Variants in VAV3 observed in about 807,000 individuals in gnomAD.
VAV3 encodes the protein vav guanine nucleotide exchange factor 3, also known as guanine nucleotide exchange factor VAV3.
Under a neutral mutation model 131.2 loss-of-function variants are expected in VAV3, and 94 were observed. The ratio of observed to expected loss-of-function variants is 0.72; its 90% CI spans 0.61 to 0.85. The LOEUF (loss-of-function observed/expected upper bound fraction) is 0.85, where lower values mean the gene tolerates loss of function less well. Among genes scored for constraint, VAV3 ranks in the 40% least tolerant of loss-of-function variants. VAV3 has a pLI of 0.00. For missense variants in VAV3, 939 were observed against 1,002.7 expected, an observed-to-expected ratio of 0.94 and a Z score of 0.86; for synonymous variants, 349 against 342.0, an observed-to-expected ratio of 1.02 and a Z score of -0.22.
At position 107,704,996 on chromosome 1, in the gene VAV3, C is replaced by A. The variant is rs372568687; in HGVS notation, c.1568G>T (p.Arg523Leu). Residue 523 changes from arginine (R) to leucine (L), a missense_variant, in exon 16 of 27, where the codon CGA (arginine) becomes CTA (leucine). By Grantham distance (102) the Arg-to-Leu change is moderately radical (BLOSUM62 -2). Coordinates refer to ENST00000370056, the MANE Select transcript of VAV3 (RefSeq NM_006113.5). ...FHDFKMHTFT[R>L]VTSCKVCQML... ...CTGGCAGACTTTGCAGGATGTGACT[C>A]GAGTGAAGGTATGCATCTTGAAGTC... The A allele has an allele frequency of 1.2e-6, 2 of 1,613,782 alleles. No homozygotes were observed. The highest frequency in any genetic ancestry group is 1.1e-5 in the South Asian group (1 of 91,038).
chr1:107,681,736 T>C (rs972303147), intron 19 of VAV3, among the ~76,000 whole-genome samples: 4 of 151,468 alleles, frequency 2.6e-5, no homozygotes, highest in African/African-American at 7.3e-5. Context: ...TCACTGCAAG[T>C]TCTGCCTCCC....
chr1:107,629,254 T>C (rs1034516130), intron 20 of VAV3, among the ~76,000 whole-genome samples: 14 of 152,236 alleles, frequency 9.2e-5, no homozygotes, highest in Non-Finnish European at 1.8e-4. Flanking sequence ...ATAGAAACCA[T>C]AGATGACATG....
chr1:107,697,327 C>T (rs1365006405), intron 17 of VAV3, among the ~76,000 whole-genome samples: 3 of 152,228 alleles, frequency 2.0e-5, no homozygotes, highest in East Asian at 1.9e-4. Context: ...TATGAGCATT[C>T]GGTGTTACCG....
chr1:107,880,261 G>C (rs1387268842), intron 1 of VAV3, among the ~76,000 whole-genome samples: 1 of 152,148 alleles, frequency 6.6e-6, no homozygotes, highest in Non-Finnish European at 1.5e-5. Flanking sequence ...GAGAAGGAGT[G>C]GTTGGTGTTT....
chr1:107,733,770 G>A (rs1318621349), intron 15 of VAV3, among the ~76,000 whole-genome samples: 1 of 152,208 alleles, frequency 6.6e-6, no homozygotes, highest in East Asian at 1.9e-4. Context: ...TTTGATTGGT[G>A]TACCTGAAAG....
chr1:107,800,295 A>T (rs1666766242), intron 2 of VAV3, among the ~76,000 whole-genome samples: 1 of 152,074 alleles, frequency 6.6e-6, no homozygotes, highest in South Asian at 2.1e-4. Context: ...TAGTTTTACC[A>T]TTTACATTCC....
chr1:107,622,923 A>G lies in VAV3; in HGVS notation c.1915-5291T>C, dbSNP rs1570631144. ...TGGAAGGAAGGAAGGATGGATGGAA[A>G]GATGAACACACTGTTTTTGGCATTA... On this transcript the variant is annotated intron_variant, in intron 20 of 26. Transcript: ENST00000370056. Among the ~76,000 whole-genome samples, 3 of 152,224 alleles carry G rather than the reference A, an allele frequency of 2.0e-5. No individual in the cohort carries two copies. In the East Asian group the frequency reaches 5.8e-4, roughly 29 times the overall value.
At chr1:107,669,612 G>A (rs185324972) in intron 19 of VAV3, 14 of 1,061,650 alleles carry the variant, frequency 1.3e-5, no homozygotes, top group Non-Finnish European at 1.7e-5. Flanking sequence ...TGCACAACAG[G>A]TTTTTTTGTT....
At chr1:107,933,553 G>C (rs1053271404) in intron 1 of VAV3, among the ~76,000 whole-genome samples, 3 of 151,940 alleles carry the variant, frequency 2.0e-5, no homozygotes, top group Non-Finnish European at 2.9e-5. Context: ...TATGAAAATT[G>C]AATCTCCCCA....
chr1:107,593,107 G>C (rs960809187), intron 25 of VAV3, among the ~76,000 whole-genome samples: 4 of 152,050 alleles, frequency 2.6e-5, no homozygotes, highest in East Asian at 3.9e-4. Context: ...CTCTGGGAGA[G>C]AGGCTGAGAG....
At chr1:107,952,468 T>TTTATATATATATATACATATATATATA (rs1553235441) in intron 1 of VAV3, among the ~76,000 whole-genome samples, 1 of 119,028 alleles carries the variant, frequency 8.4e-6, no homozygotes, top group African/African-American at 3.5e-5. Flanking sequence ...TAACAAAACT[T>TTTATATATATATATACATATATATATA]TATATATATA....
intron 1 of VAV3, among the ~76,000 whole-genome samples, chr1:107,923,202 G>A (rs1349494657): frequency 6.6e-6 from 1 of 152,052 alleles, no homozygotes; most frequent in Non-Finnish European, 1.5e-5. Flanking sequence ...GGACTCATAT[G>A]GTATATTTCT....
chr1:107,779,195 C>T (rs1297791491), intron 3 of VAV3, among the ~76,000 whole-genome samples: 1 of 151,342 alleles, frequency 6.6e-6, no homozygotes, highest in African/African-American at 2.4e-5. Context: ...AAGAACCACA[C>T]CAGTGACAGT....
At chr1:107,643,395 A>G (rs1347659977) in intron 19 of VAV3, among the ~76,000 whole-genome samples, 1 of 152,120 alleles carries the variant, frequency 6.6e-6, no homozygotes, top group Non-Finnish European at 1.5e-5. Context: ...TTCTCTTTGT[A>G]TTTCTTTGAA....
intron 1 of VAV3, among the ~76,000 whole-genome samples, chr1:107,960,478 A>C (rs556895906): frequency 2.0e-5 from 3 of 151,786 alleles, no homozygotes; most frequent in Admixed American, 2.0e-4. Flanking sequence ...AAAAAAAAAG[A>C]AAAGAAAAGA....
chr1:107,880,579 T>C (rs552441198), intron 1 of VAV3, among the ~76,000 whole-genome samples: 4 of 152,254 alleles, frequency 2.6e-5, no homozygotes, highest in African/African-American at 7.2e-5. Flanking sequence ...GCAGATCACC[T>C]GAGGTCAGGA....
chr1:107,725,596 C>A (rs887076260), intron 15 of VAV3, among the ~76,000 whole-genome samples: 2 of 152,126 alleles, frequency 1.3e-5, no homozygotes, highest in African/African-American at 4.8e-5. Context: ...CTCACTGCAA[C>A]CTCTGCCTCC....
At chr1:107,732,372 G>A (rs951722279) in intron 15 of VAV3, among the ~76,000 whole-genome samples, 1 of 152,112 alleles carries the variant, frequency 6.6e-6, no homozygotes. Context: ...TGGACAGTGG[G>A]TGCGGCCACA....
At chr1:107,932,276 G>A (rs1673476477) in intron 1 of VAV3, among the ~76,000 whole-genome samples, 2 of 152,210 alleles carry the variant, frequency 1.3e-5, no homozygotes, top group Non-Finnish European at 2.9e-5. Context: ...GGAGTTCAAG[G>A]TGAATGACAC....
Sources: allele counts gnomAD v4.1 joint callset (sites outside exome capture counted in the v4.1 genomes callset), GRCh38; gene constraint gnomAD v4.1.1; transcripts MANE v1.5; gene names NCBI Gene and HGNC (gene_info 2026-07-23, HGNC 2026-07-21).